Variants in TDP2 observed in about 807,000 individuals in gnomAD.
TDP2 encodes tyrosyl-DNA phosphodiesterase 2.
A neutral mutation model predicts 42.8 loss-of-function variants in TDP2; 38 were observed. The ratio of observed to expected loss-of-function variants is 0.89; its 90% CI spans 0.68 to 1.16. The LOEUF is 1.16. TDP2 is among the 50% of genes most tolerant of loss of function. The pLI, the probability that TDP2 is intolerant of heterozygous loss-of-function variation, is 0.00. For missense variants in TDP2, 439 were observed against 439.3 expected, an observed-to-expected ratio of 1.00 and a Z score of 0.01; for synonymous variants, 173 against 150.6, an observed-to-expected ratio of 1.15 and a Z score of -1.09.
chr6:24,655,361 C>A (rs1388057425), intron 4 of TDP2, among the ~76,000 whole-genome samples: 1 of 152,110 alleles, frequency 6.6e-6, no homozygotes, highest in East Asian at 1.9e-4. Flanking sequence ...GAGAAGGAAA[C>A]CACTTGAGTG....
At chr6:24,658,840 C>G (rs1216544241) in intron 2 of TDP2, 106 bp from the exon 3 acceptor site, 11 of 1,139,832 alleles carry the variant, frequency 9.7e-6, no homozygotes, top group Non-Finnish European at 1.4e-5. Flanking sequence ...TAAAAGAGCC[C>G]TAAAAGTGAC....
chr6:24,660,410 T>A (rs1283707960), intron 2 of TDP2, among the ~76,000 whole-genome samples: 4 of 152,232 alleles, frequency 2.6e-5, no homozygotes, highest in African/African-American at 9.6e-5. Flanking sequence ...TACAAACCTG[T>A]ACAGCATGCT....
intron 3 of TDP2, 58 bp from the exon 4 acceptor site, chr6:24,657,961 C>A: frequency 8.1e-7 from 1 of 1,233,942 alleles, no homozygotes; most frequent in South Asian, 1.4e-5. Flanking sequence ...TTTTCAGCTA[C>A]CTAAATGAAG....
chr6:24,666,825 G>A lies in TDP2; in HGVS notation c.38C>T (p.Ala13Val). Residue 13 changes from alanine to valine, a missense_variant, in exon 1 of 7, where the codon GCG becomes GTG. Ala to Val is a moderately conservative substitution (Grantham distance 64). Transcript: ENST00000378198. Reference sequence around the variant, plus strand: ...CTCAGGCTCGCCCTCTTCCTCCGCCGCCTCCCTCCCGCCCTCCAGGCAACT... The same window carrying A: ...CTCAGGCTCGCCCTCTTCCTCCGCCACCTCCCTCCCGCCCTCCAGGCAACT... ...LGSCLEGGRE[A>V]AEEEGEPEVK... 3 of 1,614,028 alleles carry A rather than the reference G, an allele frequency of 1.9e-6. No individual in the cohort carries two copies. Among genetic ancestry groups the A allele is most frequent in the Admixed American group, 1.7e-5 (1 of 60,038 alleles).
At chr6:24,652,855 T>C (rs17243388) in intron 6 of TDP2, 128 bp downstream of exon 6, 17 of 1,007,348 alleles carry the variant, frequency 1.7e-5, no homozygotes, top group Non-Finnish European at 2.6e-5. Flanking sequence ...ATTCGCTGAA[T>C]TGCAAGGTCA....
chr6:24,653,022 T>C lies in TDP2; in HGVS notation c.768A>G (p.Thr256=), dbSNP rs1777998173. ...KKMQEAPESA[T]VIFAGDTNLR... ...GATTTGTATCTCCTGCAAATATAAC[T>C]GTAGCTGACTCTGGAGCCTCTTGCA... The change falls in exon 6 of 7, where the codon ACA becomes ACG. Residue 256 remains threonine, a synonymous_variant. Transcript: ENST00000378198. The C allele has an allele frequency of 6.2e-7, 1 of 1,614,040 alleles. No homozygotes were observed. The highest frequency in any genetic ancestry group is 1.3e-5 in the African/African-American group (1 of 75,050).
intron 6 of TDP2, among the ~76,000 whole-genome samples, chr6:24,651,411 G>A (rs1164028622): frequency 6.6e-6 from 1 of 152,134 alleles, no homozygotes; most frequent in Non-Finnish European, 1.5e-5. Context: ...AGGCAGAACT[G>A]CCACTCTACT....
chr6:24,654,752 A>T (rs921911050), intron 4 of TDP2, among the ~76,000 whole-genome samples: 3 of 152,196 alleles, frequency 2.0e-5, no homozygotes, highest in Non-Finnish European at 4.4e-5. Flanking sequence ...AAAATAAAAT[A>T]AAAAAAGACC....
chr6:24,666,368 C>T, intron 2 of TDP2, 158 bp downstream of exon 2: 1 of 1,420,164 alleles, frequency 7.0e-7, no homozygotes, highest in Non-Finnish European at 9.7e-7. Context: ...CAACTCCGCG[C>T]AGCAGCAGCA....
chr6:24,655,221 A>T (rs1192952109), intron 4 of TDP2, among the ~76,000 whole-genome samples: 1 of 152,232 alleles, frequency 6.6e-6, no homozygotes, highest in East Asian at 1.9e-4. Flanking sequence ...ATTATAGTAA[A>T]TGAATAAAAA....
At chr6:24,663,411 G>T (rs1778185136) in intron 2 of TDP2, among the ~76,000 whole-genome samples, 1 of 152,188 alleles carries the variant, frequency 6.6e-6, no homozygotes, top group Non-Finnish European at 1.5e-5. Flanking sequence ...TTTGGCTCCA[G>T]AGTCCATGCT....
At chr6:24,654,364 G>GA in intron 5 of TDP2, 48 bp downstream of exon 5, 2 of 1,017,642 alleles carry the variant, frequency 2.0e-6, no homozygotes, top group Non-Finnish European at 2.9e-6. Context: ...ACAAAACTAT[G>GA]AAAAAATCTT....
Position 24,666,894 on chromosome 6 carries a change from C to T in TDP2, c.-32G>A, listed in dbSNP as rs371861850. On this transcript the variant is annotated 5_prime_UTR_variant, in exon 1 of 7. Transcript: ENST00000378198. ...GCCGCCTCTGCACCGCCCCTTTAAGCGGAACAGGAGGCCAACGCGCGGCTC... is the reference window on the plus strand; with the variant it reads ...GCCGCCTCTGCACCGCCCCTTTAAGTGGAACAGGAGGCCAACGCGCGGCTC... The T allele has an allele frequency of 8.1e-6, 13 of 1,610,730 alleles. No homozygotes were observed. In the African/African-American group the frequency reaches 1.6e-4, roughly 20 times the overall value.
intron 4 of TDP2, among the ~76,000 whole-genome samples, 171 bp from the exon 5 acceptor site, chr6:24,654,701 C>T (rs1778033092): frequency 5.9e-5 from 9 of 152,100 alleles, no homozygotes; most frequent in Admixed American, 5.9e-4. Context: ...AACAAGTCTA[C>T]CTCCTCCCTC....
intron 2 of TDP2, among the ~76,000 whole-genome samples, chr6:24,663,515 TTG>T (rs1778186752): frequency 6.6e-6 from 1 of 152,218 alleles, no homozygotes; most frequent in Non-Finnish European, 1.5e-5. Context: ...AAATCTCATG[TTG>T]AGATATAATC....
rs1778129227 is a variant in TDP2, at chr6:24,660,700, C to T, written c.252-1966G>A. On this transcript the variant is annotated intron_variant, in intron 2 of 6. Coordinates refer to ENST00000378198, the MANE Select transcript of TDP2 (RefSeq NM_016614.3). ...ATCTAAAGACCTAGACCAATCTTGC[C>T]AATTGTGCTACTAGTGTCCTAATCT... 2.0e-5 allele frequency among the ~76,000 whole-genome samples: 3 copies of T among 152,144 alleles called. No individual in the cohort carries two copies. In the South Asian group the frequency reaches 6.2e-4, roughly 31 times the overall value.
intron 2 of TDP2, among the ~76,000 whole-genome samples, chr6:24,663,836 T>C (rs1016215596): frequency 6.6e-6 from 1 of 152,222 alleles, no homozygotes; most frequent in Admixed American, 6.5e-5. Context: ...GTCTCAGGTA[T>C]TTATAGCAAC....
At chr6:24,651,124 T>TAAAAA in intron 6 of TDP2, 55 bp from the exon 7 acceptor site, 8 of 994,758 alleles carry the variant, frequency 8.0e-6, no homozygotes, top group South Asian at 2.1e-5. Flanking sequence ...CCCACTAACT[T>TAAAAA]AAAAAAAAAA....
chr6:24,652,309 AAC>A (rs1365357597), intron 6 of TDP2, among the ~76,000 whole-genome samples: 1 of 152,252 alleles, frequency 6.6e-6, no homozygotes, highest in Non-Finnish European at 1.5e-5. Context: ...TACTGTGAAT[AAC>A]ACAGCTGTGA....
Sources: gnomAD v4.1 joint callset for allele counts (sites outside exome capture counted in the v4.1 genomes callset) on GRCh38, gnomAD v4.1.1 for gene constraint, MANE v1.5 for transcripts, NCBI Gene and HGNC (gene_info 2026-07-23, HGNC 2026-07-21) for gene names.